SYNPR: variants seen among roughly 807,000 people sequenced by gnomAD.
The protein encoded by SYNPR is synaptoporin.
A neutral mutation model predicts 32.9 loss-of-function variants in SYNPR; 23 were observed. The observed-to-expected ratio is 0.70, with a 90% CI of 0.50 to 0.99. The LOEUF (loss-of-function observed/expected upper bound fraction) is 0.99, where lower values mean the gene tolerates loss of function less well. SYNPR is among the 50% of genes least tolerant of loss of function. The pLI is 0.00. For synonymous variants in SYNPR, 146 were observed against 135.9 expected (o/e 1.07, Z -0.52); for missense variants, 318 against 349.3 (o/e 0.91, Z 0.71).
At chr3:63,494,036 T>A (rs73112686) in intron 3 of SYNPR, among the ~76,000 whole-genome samples, 2,909 of 152,006 alleles carry the variant, frequency 0.019, 54 homozygotes, top group Non-Finnish European at 0.027. Flanking sequence ...ATTTTTTTTT[T>A]AAATTTGGGA....
intron 1 of SYNPR, among the ~76,000 whole-genome samples, chr3:63,245,702 AGAGAGAGAGTGTGTGT>A (rs1333355333): frequency 1.9e-4 from 15 of 79,240 alleles, no homozygotes; most frequent in African/African-American, 7.7e-4. Flanking sequence ...AGAGAGAGAG[AGAGAGAGAGTGTGTGT>A]GTGTGTGTGT....
chr3:63,419,897 G>C (rs989324168), intron 2 of SYNPR, among the ~76,000 whole-genome samples: 1 of 152,188 alleles, frequency 6.6e-6, no homozygotes, highest in Non-Finnish European at 1.5e-5. Flanking sequence ...TTTGTTGAAA[G>C]TAGTCTATTT....
At chr3:63,554,434 C>T (rs1229243480) in intron 3 of SYNPR, among the ~76,000 whole-genome samples, 1 of 152,274 alleles carries the variant, frequency 6.6e-6, no homozygotes, top group East Asian at 1.9e-4. Flanking sequence ...ATATGGCTAG[C>T]CATTTATCCC....
At chr3:63,585,937 A>G (rs1703175466) in intron 4 of SYNPR, among the ~76,000 whole-genome samples, 1 of 152,116 alleles carries the variant, frequency 6.6e-6, no homozygotes, top group Admixed American at 6.6e-5. Flanking sequence ...CAGAATAAAA[A>G]CATCTATGAA....
chr3:63,488,002 C>CG (rs34090494), intron 3 of SYNPR, among the ~76,000 whole-genome samples: 1 of 152,046 alleles, frequency 6.6e-6, no homozygotes, highest in Admixed American at 6.6e-5. Context: ...GTTTGGAACA[C>CG]GGGGGCAGGT....
chr3:63,321,149 C>T (rs1312698607), intron 2 of SYNPR, among the ~76,000 whole-genome samples: 1 of 151,970 alleles, frequency 6.6e-6, no homozygotes, highest in Non-Finnish European at 1.5e-5. Context: ...AAAGGGAGGA[C>T]CTTACGTACT....
chr3:63,375,379 T>C (rs2087874462), intron 2 of SYNPR, among the ~76,000 whole-genome samples: 2 of 152,132 alleles, frequency 1.3e-5, no homozygotes, highest in Non-Finnish European at 2.9e-5. Context: ...CACCATGGAA[T>C]ACTATGCAGC....
At chr3:63,383,328 A>G (rs950212935) in intron 2 of SYNPR, among the ~76,000 whole-genome samples, 2 of 152,224 alleles carry the variant, frequency 1.3e-5, no homozygotes, top group Non-Finnish European at 2.9e-5. Flanking sequence ...CCAAGAGAAA[A>G]GAATAGAGCT....
chr3:63,331,624 A>G (rs553916160), intron 2 of SYNPR, among the ~76,000 whole-genome samples: 2 of 152,290 alleles, frequency 1.3e-5, no homozygotes, highest in East Asian at 1.9e-4. Flanking sequence ...GGGCTTAAAT[A>G]TAAGTCCATG....
chr3:63,206,548 G>T, the SYNPR span, among the ~76,000 whole-genome samples: 1 of 151,942 alleles, frequency 6.6e-6, no homozygotes, highest in Non-Finnish European at 1.5e-5. Context: ...GTGACAGAGT[G>T]AGACTGTGTC....
chr3:63,609,796 G>A (rs780379233), intron 5 of SYNPR, among the ~76,000 whole-genome samples: 6 of 152,106 alleles, frequency 3.9e-5, no homozygotes, highest in Non-Finnish European at 8.8e-5. Flanking sequence ...TATAGTCCCA[G>A]CTACTCGGAA....
chr3:63,399,190 A>G (rs949461164), intron 2 of SYNPR, among the ~76,000 whole-genome samples: 1 of 152,214 alleles, frequency 6.6e-6, no homozygotes, highest in African/African-American at 2.4e-5. Context: ...GCAAGAGGCC[A>G]TCTGATTAGA....
At chr3:63,538,812 G>T (rs1311936100) in intron 3 of SYNPR, among the ~76,000 whole-genome samples, 1 of 152,046 alleles carries the variant, frequency 6.6e-6, no homozygotes, top group Admixed American at 6.6e-5. Context: ...TTTGGAGGTG[G>T]TTAATTACAC....
intron 3 of SYNPR, among the ~76,000 whole-genome samples, chr3:63,494,403 A>ATATATATATATATACG (rs1328144533): frequency 1.9e-5 from 2 of 106,960 alleles, no homozygotes; most frequent in Non-Finnish European, 3.6e-5. Context: ...TTATATATAT[A>ATATATATATATATACG]TATATATATA....
chr3:63,399,209 A>T (rs980798384), intron 2 of SYNPR, among the ~76,000 whole-genome samples: 4 of 152,196 alleles, frequency 2.6e-5, no homozygotes, highest in African/African-American at 9.7e-5. Context: ...GATCAGTTTT[A>T]GTCCCAGTGC....
At chr3:63,538,562 T>G (rs1702247739) in intron 3 of SYNPR, among the ~76,000 whole-genome samples, 1 of 152,106 alleles carries the variant, frequency 6.6e-6, no homozygotes, top group Non-Finnish European at 1.5e-5. Flanking sequence ...TGACTTGTTT[T>G]GATTAATAGA....
chr3:63,274,364 G>A (rs997394569), upstream of SYNPR, among the ~76,000 whole-genome samples: 5 of 152,176 alleles, frequency 3.3e-5, no homozygotes, highest in East Asian at 9.7e-4. Context: ...GATTCAAAAT[G>A]CTTGGTTTTG....
chr3:63,576,722 T>C (rs1702986406), intron 4 of SYNPR, among the ~76,000 whole-genome samples: 2 of 147,612 alleles, frequency 1.4e-5, no homozygotes, highest in African/African-American at 5.1e-5. Context: ...ACCCAGGAGC[T>C]GGAGGTTGCA....
chr3:63,394,685 C>T (rs1001628389), intron 2 of SYNPR, among the ~76,000 whole-genome samples: 67 of 152,252 alleles, frequency 4.4e-4, no homozygotes, highest in African/African-American at 1.6e-3. Context: ...TTGCTGTAGG[C>T]CACACTGCCA....
Sources: allele counts gnomAD v4.1 joint callset (sites outside exome capture counted in the v4.1 genomes callset), GRCh38; gene constraint gnomAD v4.1.1; transcripts MANE v1.5; gene names NCBI Gene and HGNC (gene_info 2026-07-23, HGNC 2026-07-21).